Variants in ATP10B observed in about 807,000 individuals in gnomAD.
ATP10B encodes the protein ATPase phospholipid transporting 10B (putative).
In ATP10B, 122 loss-of-function variants were observed where a neutral mutation model predicts 141.2. That is an observed-to-expected ratio of 0.86 (90% CI 0.75 to 1.00). The LOEUF is 1.00. Among genes scored for constraint, ATP10B ranks in the 50% least tolerant of loss-of-function variants. The probability of loss-of-function intolerance (pLI) is 0.00; values close to 1 mark genes in which losing one functional copy is unlikely to be tolerated. For missense variants in ATP10B, 1,876 were observed against 1,825.3 expected (o/e 1.03, Z -0.51); for synonymous variants, 685 against 692.0 (o/e 0.99, Z 0.16).
At chr5:160,594,793 G>A (rs1581170306) in intron 22 of ATP10B, among the ~76,000 whole-genome samples, 1 of 151,924 alleles carries the variant, frequency 6.6e-6, no homozygotes, top group African/African-American at 2.4e-5. Context: ...AGACAAAGAA[G>A]GCCATTACAT....
intron 2 of ATP10B, among the ~76,000 whole-genome samples, chr5:160,736,787 A>AT (rs1767146822): frequency 1.3e-5 from 2 of 152,172 alleles, no homozygotes; most frequent in Admixed American, 1.3e-4. Flanking sequence ...ACTAGTAAAG[A>AT]AAAGCCTGGG....
rs547431743 is a variant in ATP10B at position 160,832,080 on chromosome 5, C to G, written c.-576+19861G>C. On this transcript the variant is annotated intron_variant, in intron 1 of 25. Coordinates refer to ENST00000327245, the MANE Select transcript of ATP10B (RefSeq NM_025153.3). ...GGTCAAATAGCCCAGCATTTGTCAA[C>G]AAGTAATCAGAACATCCAAGCAGTA... Among the ~76,000 whole-genome samples, 4 of 151,592 alleles carry G rather than the reference C, an allele frequency of 2.6e-5. No individual in the cohort carries two copies. In the South Asian group the frequency reaches 8.3e-4, roughly 32 times the overall value.
At chr5:160,662,473 G>A (rs1762008091) in intron 7 of ATP10B, among the ~76,000 whole-genome samples, 1 of 152,100 alleles carries the variant, frequency 6.6e-6, no homozygotes, top group Admixed American at 6.5e-5. Context: ...ACAGAACAGA[G>A]CCCTCAGAAA....
intron 1 of ATP10B, among the ~76,000 whole-genome samples, chr5:160,796,679 C>T (rs939548641): frequency 2.6e-5 from 4 of 152,150 alleles, no homozygotes; most frequent in African/African-American, 9.7e-5. Context: ...GAAAAGTTTC[C>T]TTTTAATATT....
chr5:160,837,589 T>C (rs531681833), intron 1 of ATP10B, among the ~76,000 whole-genome samples: 2 of 150,348 alleles, frequency 1.3e-5, no homozygotes, highest in East Asian at 2.0e-4. Context: ...AAGGAACACA[T>C]TTTTAATACT....
At position 160,716,837 on chromosome 5, in the gene ATP10B, G is replaced by T. The variant is rs994671901; in HGVS notation, c.-205+72C>A. 1.3e-5 allele frequency: 12 copies of T among 917,100 alleles called. No individual in the cohort carries two copies. In the African/African-American group the frequency reaches 2.0e-4, roughly 15 times the overall value. 56.8% of individuals were successfully genotyped at this position (917,100 alleles called of 1,614,324 possible). On this transcript the variant is annotated intron_variant, in intron 3 of 25. Coordinates refer to ENST00000327245, the MANE Select transcript of ATP10B (RefSeq NM_025153.3). ...GGTGTCATGAACCAAAGGACTATTG[G>T]AGCTACATCCACCTCAGTCATGTTC... is the stretch of plus-strand genomic sequence containing the variant.
intron 2 of ATP10B, among the ~76,000 whole-genome samples, chr5:160,768,481 T>C (rs893646096): frequency 1.3e-5 from 2 of 152,138 alleles, no homozygotes; most frequent in Non-Finnish European, 2.9e-5. Context: ...TAAAGCAAGG[T>C]CATCCTCACT....
At chr5:160,591,961 T>G (rs1338912824) in intron 22 of ATP10B, among the ~76,000 whole-genome samples, 4 of 152,168 alleles carry the variant, frequency 2.6e-5, no homozygotes, top group African/African-American at 9.7e-5. Flanking sequence ...TACACTTGGC[T>G]TTGCCCTTCT....
chr5:160,917,410 C>A, the ATP10B span, among the ~76,000 whole-genome samples: 1 of 151,762 alleles, frequency 6.6e-6, no homozygotes, highest in Admixed American at 6.6e-5. Context: ...TGTTTAAACA[C>A]CTCTAACCAT....
chr5:160,564,360 G>A lies in ATP10B; in HGVS notation c.*1093C>T, dbSNP rs11953731. On this transcript the variant is annotated 3_prime_UTR_variant, in exon 26 of 26. Coordinates refer to ENST00000327245, the MANE Select transcript of ATP10B (RefSeq NM_025153.3). ...TTGACATTTATAAACTCTAGGGATA[G>A]GAAGTCTATATAATCCTTCTTTTCC... 12,965 of 152,174 alleles carry A rather than the reference G, an allele frequency of 0.085. 674 individuals carry two copies. The highest frequency in any genetic ancestry group is 0.13 in the South Asian group (632 of 4,798). 9.4% of individuals were successfully genotyped at this position (152,174 alleles called of 1,614,324 possible). A position where few individuals can be genotyped will look rare whatever the true frequency, so the allele number is the denominator to read the frequency against.
intron 1 of ATP10B, among the ~76,000 whole-genome samples, chr5:160,800,752 T>C (rs537638652): frequency 2.0e-5 from 3 of 152,336 alleles, no homozygotes; most frequent in African/African-American, 7.2e-5. Flanking sequence ...TGCTTCTCAG[T>C]GTTTGCTGAG....
the ATP10B span, among the ~76,000 whole-genome samples, chr5:160,899,108 C>T: frequency 6.6e-6 from 1 of 152,076 alleles, no homozygotes; most frequent in African/African-American, 2.4e-5. Flanking sequence ...CAAACCTGCA[C>T]ATTCTGCACA....
intron 1 of ATP10B, among the ~76,000 whole-genome samples, chr5:160,800,057 C>G (rs992767725): frequency 6.6e-6 from 1 of 152,100 alleles, no homozygotes; most frequent in Non-Finnish European, 1.5e-5. Flanking sequence ...TAAGGAACAC[C>G]AAGGGTAGCC....
intron 24 of ATP10B, among the ~76,000 whole-genome samples, chr5:160,586,441 T>C (rs1407462300): frequency 2.0e-5 from 3 of 152,248 alleles, no homozygotes; most frequent in Non-Finnish European, 4.4e-5. Flanking sequence ...TAAATGTTTG[T>C]ATGCATGTGT....
At chr5:160,804,526 G>A (rs915094787) in intron 1 of ATP10B, among the ~76,000 whole-genome samples, 2 of 152,172 alleles carry the variant, frequency 1.3e-5, no homozygotes, top group African/African-American at 4.8e-5. Context: ...AGGCTTATGA[G>A]CCCATAGTCA....
chr5:160,640,535 A>G lies in ATP10B; in HGVS notation c.926T>C (p.Ile309Thr). 1 of 1,614,106 alleles carries G rather than the reference A, an allele frequency of 6.2e-7. No individual in the cohort carries two copies. Among genetic ancestry groups the G allele is most frequent in the Non-Finnish European group, 8.5e-7 (1 of 1,179,994 alleles). The change falls in exon 10 of 26, where the codon ATT (isoleucine) becomes ACT (threonine). Residue 309 changes from isoleucine (I) to threonine (T), a missense_variant. Coordinates refer to ENST00000327245, the MANE Select transcript of ATP10B (RefSeq NM_025153.3). ...NSGPRYKRSK[I>T]ERRMNIDIFF... ...GATGTCTATATTCATGCGCCGCTCA[A>G]TCTTGCTGCGTTTGTACCGGGGGCC...
intron 2 of ATP10B, among the ~76,000 whole-genome samples, chr5:160,741,987 A>T (rs972544770): frequency 1.3e-5 from 2 of 152,218 alleles, no homozygotes; most frequent in African/African-American, 4.8e-5. Flanking sequence ...ATGAGGAAGA[A>T]ATACAGCTAT....
chr5:160,836,846 C>A (rs1211382162), intron 1 of ATP10B, among the ~76,000 whole-genome samples: 1 of 152,060 alleles, frequency 6.6e-6, no homozygotes, highest in East Asian at 1.9e-4. Context: ...TCCTTATATT[C>A]CACAGTGTCA....
rs564029158 is a variant in ATP10B, at chr5:160,634,920, G to C, written c.1129-314C>G. Among the ~76,000 whole-genome samples the C allele has an allele frequency of 1.2e-4, 18 of 152,278 alleles. 1 individual carries two copies. The highest frequency in any genetic ancestry group is 7.7e-4 in the East Asian group (4 of 5,178). On this transcript the variant is annotated intron_variant, in intron 11 of 25. Transcript: ENST00000327245. The stretch of plus-strand genomic sequence containing the variant: ...TCCCTTTAGATCTCTGTGCCACCAA[G>C]GGCTGCTGCCCGCTTTTATAGGTAT...
Sources: gnomAD v4.1 joint callset for allele counts (sites outside exome capture counted in the v4.1 genomes callset) on GRCh38, gnomAD v4.1.1 for gene constraint, MANE v1.5 for transcripts, NCBI Gene and HGNC (gene_info 2026-07-23, HGNC 2026-07-21) for gene names.